Variants in NRG3 observed in about 807,000 individuals in gnomAD.
NRG3 encodes the protein pro-neuregulin-3, membrane-bound isoform.
A neutral mutation model predicts 66.9 loss-of-function variants in NRG3; 31 were observed. That is an observed-to-expected ratio of 0.46 (90% CI 0.35 to 0.63). The LOEUF is 0.63. Ranked by LOEUF, NRG3 falls within the 20% of genes least tolerant of loss-of-function variation. The probability of loss-of-function intolerance (pLI) is 0.00; values close to 1 mark genes in which losing one functional copy is unlikely to be tolerated. For synonymous variants in NRG3, 393 were observed against 359.4 expected (o/e 1.09, Z -1.06); for missense variants, 910 against 878.9 (o/e 1.04, Z -0.45).
chr10:82,822,077 A>T (rs2061976232), intron 3 of NRG3, among the ~76,000 whole-genome samples: 1 of 152,104 alleles, frequency 6.6e-6, no homozygotes, highest in African/African-American at 2.4e-5. Context: ...GGACTGAAAC[A>T]TAGAGGGTTT....
intron 3 of NRG3, among the ~76,000 whole-genome samples, chr10:82,799,559 G>A (rs539507767): frequency 4.3e-4 from 65 of 149,890 alleles, no homozygotes; most frequent in Middle Eastern, 3.5e-3. Flanking sequence ...TCAGTCTAAC[G>A]TAAAGGAAAT....
intron 1 of NRG3, among the ~76,000 whole-genome samples, chr10:81,958,831 G>C (rs1232367081): frequency 6.6e-6 from 1 of 152,120 alleles, no homozygotes; most frequent in Admixed American, 6.5e-5. Context: ...AGAGGTTGCA[G>C]TGAGCCAAAA....
intron 1 of NRG3, among the ~76,000 whole-genome samples, chr10:82,157,323 A>G (rs772828430): frequency 1.3e-5 from 2 of 151,788 alleles, no homozygotes; most frequent in Non-Finnish European, 3.0e-5. Context: ...TGAAAAGTAT[A>G]AAAAGATATT....
intron 1 of NRG3, among the ~76,000 whole-genome samples, chr10:81,982,659 T>C (rs1209019496): frequency 1.3e-5 from 2 of 152,202 alleles, no homozygotes; most frequent in African/African-American, 4.8e-5. Flanking sequence ...CCACGTGATC[T>C]TTCCTTTGCA....
At chr10:82,352,390 C>T (rs1232654117) in intron 1 of NRG3, among the ~76,000 whole-genome samples, 1 of 152,030 alleles carries the variant, frequency 6.6e-6, no homozygotes, top group Non-Finnish European at 1.5e-5. Context: ...GCTAGGCCTC[C>T]CAGACGTGTG....
At position 82,973,902 on chromosome 10, in the gene NRG3, G is replaced by T. The variant is rs1047216424; in HGVS notation, c.1399G>T (p.Val467Phe). Residue 467 changes from valine to phenylalanine, a missense_variant, in exon 7 of 9, where the codon GTC (valine) becomes TTC (phenylalanine). Val to Phe is a conservative substitution (Grantham distance 50). Coordinates refer to ENST00000372141, the MANE Select transcript of NRG3 (RefSeq NM_001010848.4). Reference sequence around the variant, plus strand: ...TTCTCCTGACAGAGGAAGCCAGTCTGTCAAACACCACAGGTACAAGTAGCT... The same window carrying T: ...TTCTCCTGACAGAGGAAGCCAGTCTTTCAAACACCACAGGTACAAGTAGCT... The part of the protein sequence containing the change: ...VPSPDRGSQS[V>F]KHHRSLSSCC... The T allele has an allele frequency of 6.2e-7, 1 of 1,613,896 alleles. No homozygotes were observed. The highest frequency in any genetic ancestry group is 1.3e-5 in the African/African-American group (1 of 74,916).
At chr10:81,945,734 G>A (rs554083811) in intron 1 of NRG3, among the ~76,000 whole-genome samples, 1 of 152,228 alleles carries the variant, frequency 6.6e-6, no homozygotes, top group African/African-American at 2.4e-5. Flanking sequence ...TTTGGAAATA[G>A]GGTCATTGCA....
chr10:81,961,142 TG>T (rs1243962953), intron 1 of NRG3, among the ~76,000 whole-genome samples: 1 of 152,150 alleles, frequency 6.6e-6, no homozygotes, highest in East Asian at 1.9e-4. Context: ...GGTTTGGAAA[TG>T]TGGTGGCAAA....
chr10:81,883,177 A>G (rs1054759993), intron 1 of NRG3, among the ~76,000 whole-genome samples: 3 of 152,198 alleles, frequency 2.0e-5, no homozygotes, highest in African/African-American at 7.2e-5. Flanking sequence ...ACTGTGAATT[A>G]GATTCTCAAG....
At chr10:81,881,041 T>C (rs944751204) in intron 1 of NRG3, among the ~76,000 whole-genome samples, 2 of 152,206 alleles carry the variant, frequency 1.3e-5, no homozygotes, top group Non-Finnish European at 2.9e-5. Flanking sequence ...CATGCAATTA[T>C]AAATAAAATC....
intron 3 of NRG3, among the ~76,000 whole-genome samples, chr10:82,808,420 A>G (rs2061369302): frequency 6.6e-6 from 1 of 152,146 alleles, no homozygotes; most frequent in Non-Finnish European, 1.5e-5. Context: ...TCATTTTACT[A>G]TTACAAATTA....
At chr10:81,896,229 G>A (rs1027391952) in intron 1 of NRG3, among the ~76,000 whole-genome samples, 3 of 151,986 alleles carry the variant, frequency 2.0e-5, no homozygotes, top group Admixed American at 6.6e-5. Context: ...TGATTGCTCC[G>A]GAAGCGTGGG....
chr10:82,707,846 T>TA (rs373670610), intron 2 of NRG3, among the ~76,000 whole-genome samples: 3,630 of 82,514 alleles, frequency 0.044, 462 homozygotes, highest in African/African-American at 0.15. Context: ...TCATCTCTAC[T>TA]AAAAAAAAAA....
chr10:81,909,462 T>A (rs1360302703), intron 1 of NRG3, among the ~76,000 whole-genome samples: 1 of 152,086 alleles, frequency 6.6e-6, no homozygotes, highest in Admixed American at 6.6e-5. Context: ...GGTGAGGGTG[T>A]TGGTGATATT....
intron 2 of NRG3, among the ~76,000 whole-genome samples, chr10:82,622,839 A>G (rs947149031): frequency 3.3e-5 from 5 of 152,206 alleles, no homozygotes; most frequent in African/African-American, 1.2e-4. Flanking sequence ...TTCGCATTAG[A>G]TGATTTCGCC....
chr10:82,547,266 G>T (rs1466725423), intron 2 of NRG3, among the ~76,000 whole-genome samples: 1 of 151,340 alleles, frequency 6.6e-6, no homozygotes. Context: ...CACTTTAAAT[G>T]GTCTAACTTC....
intron 1 of NRG3, among the ~76,000 whole-genome samples, chr10:81,978,489 A>AT (rs1321816642): frequency 3.3e-5 from 5 of 152,108 alleles, no homozygotes; most frequent in Non-Finnish European, 7.3e-5. Context: ...CAACAGGGCA[A>AT]ATTTTTTTTT....
At chr10:82,736,955 AGCACCATGGTAC>A (rs2058184445) in intron 2 of NRG3, among the ~76,000 whole-genome samples, 1 of 152,220 alleles carries the variant, frequency 6.6e-6, no homozygotes, top group Non-Finnish European at 1.5e-5. Context: ...TGAAAATGAA[AGCACCATGGTAC>A]GATAATTCTG....
At chr10:82,735,028 A>AGAAGG (rs1366704558) in intron 2 of NRG3, among the ~76,000 whole-genome samples, 1 of 151,796 alleles carries the variant, frequency 6.6e-6, no homozygotes, top group Non-Finnish European at 1.5e-5. Context: ...GAAAAAAAAA[A>AGAAGG]GAAGGGAAGG....
Sources: allele counts gnomAD v4.1 joint callset (sites outside exome capture counted in the v4.1 genomes callset), GRCh38; gene constraint gnomAD v4.1.1; transcripts MANE v1.5; gene names NCBI Gene and HGNC (gene_info 2026-07-23, HGNC 2026-07-21).